Variants in FGFR2 observed in about 807,000 individuals in gnomAD.
FGFR2 encodes the protein fibroblast growth factor receptor 2.
FGFR2 carries 19 observed loss-of-function variants against 95.9 expected under a neutral mutation model. The observed-to-expected ratio is 0.20, with a 90% CI of 0.14 to 0.29. The LOEUF (loss-of-function observed/expected upper bound fraction) is 0.29, where lower values mean the gene tolerates loss of function less well. FGFR2 is among the 10% of genes least tolerant of loss of function. The probability of loss-of-function intolerance (pLI) is 1.00; values close to 1 mark genes in which losing one functional copy is unlikely to be tolerated. For synonymous variants in FGFR2, 392 were observed against 393.3 expected (o/e 1.00, Z 0.04); for missense variants, 707 against 1,056.9 (o/e 0.67, Z 4.59).
At chr10:121,555,550 A>G (rs1156551717) in intron 4 of FGFR2, among the ~76,000 whole-genome samples, 4 of 152,200 alleles carry the variant, frequency 2.6e-5, no homozygotes, top group African/African-American at 9.6e-5. Flanking sequence ...ATCCACCTGT[A>G]AAGGAAACAA....
At chr10:121,488,198 C>G (rs2133842516) in intron 13 of FGFR2, 85 bp from the exon 14 acceptor site, 1 of 1,570,768 alleles carries the variant, frequency 6.4e-7, no homozygotes, top group South Asian at 1.1e-5. Context: ...TCTTAAAATG[C>G]AGATAGAAAA....
chr10:121,574,943 G>A (rs10736303), intron 2 of FGFR2, among the ~76,000 whole-genome samples: 61,694 of 152,102 alleles, frequency 0.41, 14,657 homozygotes, highest in Non-Finnish European at 0.53. Flanking sequence ...TTGTCAGGGT[G>A]TCTGGTAGAC....
chr10:121,597,473 C>T (rs915153497), intron 1 of FGFR2, among the ~76,000 whole-genome samples: 1 of 152,232 alleles, frequency 6.6e-6, no homozygotes, highest in Admixed American at 6.5e-5. Flanking sequence ...GCCACCCCTA[C>T]GGGATGTCAC....
intron 6 of FGFR2, among the ~76,000 whole-genome samples, chr10:121,529,221 G>A (rs1851781200): frequency 6.6e-6 from 1 of 152,180 alleles, no homozygotes; most frequent in Non-Finnish European, 1.5e-5. Context: ...TGATTCTCCT[G>A]CCTCAGCCTC....
intron 2 of FGFR2, 107 bp from the exon 3 acceptor site, chr10:121,565,811 T>C: frequency 1.4e-6 from 2 of 1,400,192 alleles, no homozygotes; most frequent in Non-Finnish European, 2.0e-6. Flanking sequence ...GAGAAGCTGT[T>C]CTTGCTCTGC....
chr10:121,565,592 C>T lies in FGFR2; in HGVS notation c.222G>A (p.Lys74=), dbSNP rs367962518. ...TGTTGGGCCCCAAGTGCACCCCATC[C>T]TTAGTCCAACTGATCACGGCGGCAT... ...LKDAAVISWT[K]DGVHLGPNNR... is the part of the protein sequence containing the mutation. The change falls in exon 3 of 18, where the codon AAG becomes AAA. Residue 74 remains lysine (K), a synonymous_variant. Coordinates refer to ENST00000358487, the MANE Select transcript of FGFR2 (RefSeq NM_000141.5). 17 of 1,614,188 alleles carry T rather than the reference C, an allele frequency of 1.1e-5. No homozygotes were observed. The highest frequency in any genetic ancestry group is 1.4e-5 in the Non-Finnish European group (16 of 1,180,050).
rs568759526 is a variant in FGFR2, at chr10:121,478,493, T to C, written c.*1364A>G. On this transcript the variant is annotated 3_prime_UTR_variant, in exon 18 of 18. Transcript: ENST00000358487. ...AATCTGCATTCATCTTGCACGGCTA[T>C]TGCAAAGTGAGTGGGTGTTTCCAAA... The C allele has an allele frequency of 6.4e-5, 15 of 233,534 alleles. No individual in the cohort carries two copies. Among genetic ancestry groups the C allele is most frequent in the Admixed American group, 3.4e-4 (6 of 17,808 alleles). 14.5% of individuals were successfully genotyped at this position (233,534 alleles called of 1,614,324 possible). A position where few individuals can be genotyped will look rare whatever the true frequency, so the allele number is the denominator to read the frequency against.
At chr10:121,524,571 G>A (rs541225611) in intron 6 of FGFR2, among the ~76,000 whole-genome samples, 2 of 152,236 alleles carry the variant, frequency 1.3e-5, no homozygotes, top group South Asian at 2.1e-4. Context: ...CGAACGCTGC[G>A]CTCCTCCTCT....
intron 9 of FGFR2, among the ~76,000 whole-genome samples, chr10:121,507,738 C>T (rs917422893): frequency 6.6e-6 from 1 of 152,150 alleles, no homozygotes; most frequent in Admixed American, 6.5e-5. Flanking sequence ...AATATTTTCT[C>T]TTAGTCCCTT....
intron 2 of FGFR2, among the ~76,000 whole-genome samples, chr10:121,582,398 T>A (rs757869176): frequency 6.6e-6 from 1 of 152,104 alleles, no homozygotes; most frequent in Non-Finnish European, 1.5e-5. Flanking sequence ...TACCCTGCAA[T>A]CTAAAAATCA....
intron 2 of FGFR2, 47 bp downstream of exon 2, chr10:121,593,662 C>G: frequency 2.6e-6 from 4 of 1,552,296 alleles, no homozygotes; most frequent in Non-Finnish European, 3.6e-6. Context: ...AATCTGCCCC[C>G]AGACAAATCC....
intron 2 of FGFR2, among the ~76,000 whole-genome samples, chr10:121,571,941 C>T (rs978042953): frequency 2.8e-5 from 4 of 141,762 alleles, no homozygotes; most frequent in African/African-American, 8.0e-5. Context: ...AAAACTCCAT[C>T]TCAAAAAAAA....
intron 17 of FGFR2, chr10:121,482,291 A>G: frequency 1.1e-6 from 1 of 869,620 alleles, no homozygotes; most frequent in Non-Finnish European, 1.8e-6. Context: ...CCCCCCTTGA[A>G]CCGTTCCTTT....
At chr10:121,572,418 C>T (rs932333787) in intron 2 of FGFR2, among the ~76,000 whole-genome samples, 7 of 152,052 alleles carry the variant, frequency 4.6e-5, no homozygotes, top group African/African-American at 7.2e-5. Flanking sequence ...ATCAGAAGTT[C>T]GAGACCAGCC....
chr10:121,553,323 G>A (rs969281947), intron 4 of FGFR2, among the ~76,000 whole-genome samples: 1 of 152,146 alleles, frequency 6.6e-6, no homozygotes, highest in Non-Finnish European at 1.5e-5. Context: ...TTGCAACCTG[G>A]GTAGACATTT....
intron 13 of FGFR2, among the ~76,000 whole-genome samples, chr10:121,495,777 A>G (rs185803388): frequency 1.3e-3 from 205 of 152,308 alleles, no homozygotes; most frequent in African/African-American, 4.7e-3. Flanking sequence ...ATAAACTGCA[A>G]TGCAGGTAGG....
chr10:121,483,556 T>G, intron 17 of FGFR2, 142 bp downstream of exon 17: 1 of 677,042 alleles, frequency 1.5e-6, no homozygotes, highest in Non-Finnish European at 2.7e-6. Flanking sequence ...GAACCCATAG[T>G]TGAACTATCT....
At chr10:121,530,794 T>C (rs1322645876) in intron 6 of FGFR2, among the ~76,000 whole-genome samples, 1 of 152,236 alleles carries the variant, frequency 6.6e-6, no homozygotes, top group Non-Finnish European at 1.5e-5. Flanking sequence ...ATTATTTCAA[T>C]TCAGCACACG....
intron 9 of FGFR2, among the ~76,000 whole-genome samples, chr10:121,506,577 A>C (rs1390092197): frequency 6.6e-6 from 1 of 152,118 alleles, no homozygotes; most frequent in African/African-American, 2.4e-5. Context: ...GCAGTCCTGG[A>C]TGACGTTAAC....
Sources: allele counts gnomAD v4.1 joint callset (sites outside exome capture counted in the v4.1 genomes callset), GRCh38; gene constraint gnomAD v4.1.1; transcripts MANE v1.5; gene names NCBI Gene and HGNC (gene_info 2026-07-23, HGNC 2026-07-21).